Variants in SORCS1 observed in about 807,000 individuals in gnomAD.
SORCS1 encodes the protein VPS10 domain-containing receptor SorCS1.
SORCS1 carries 60 observed loss-of-function variants against 146.1 expected under a neutral mutation model. The observed-to-expected ratio is 0.41, with a 90% CI of 0.33 to 0.51. The LOEUF is 0.51. SORCS1 is among the 20% of genes least tolerant of loss of function. SORCS1 has a pLI of 0.21. For synonymous variants in SORCS1, 637 were observed against 584.0 expected (o/e 1.09, Z -1.31); for missense variants, 1,352 against 1,487.6 (o/e 0.91, Z 1.50).
chr10:106,858,697 T>C (rs1949887854), intron 2 of SORCS1, among the ~76,000 whole-genome samples: 1 of 152,060 alleles, frequency 6.6e-6, no homozygotes, highest in African/African-American at 2.4e-5. Flanking sequence ...TAGGTTACCC[T>C]TACCACTGAC....
At chr10:106,592,527 C>T (rs369091138) in intron 24 of SORCS1, among the ~76,000 whole-genome samples, 2 of 152,200 alleles carry the variant, frequency 1.3e-5, no homozygotes, top group Non-Finnish European at 1.5e-5. Context: ...CAACAACATA[C>T]TCTGGCTCAA....
intron 4 of SORCS1, among the ~76,000 whole-genome samples, chr10:106,769,541 A>AT (rs1318223615): frequency 6.6e-6 from 1 of 151,850 alleles, no homozygotes; most frequent in African/African-American, 2.4e-5. Flanking sequence ...TAAAGAGAAG[A>AT]TTTTTTGTTT....
chr10:106,781,255 A>C (rs956396962), intron 3 of SORCS1, among the ~76,000 whole-genome samples: 4 of 152,212 alleles, frequency 2.6e-5, no homozygotes, highest in African/African-American at 9.6e-5. Flanking sequence ...TGGAGTTAAT[A>C]AAAAGTTCTT....
At chr10:106,894,206 A>G (rs1409930214) in intron 2 of SORCS1, among the ~76,000 whole-genome samples, 1 of 151,958 alleles carries the variant, frequency 6.6e-6, no homozygotes, top group East Asian at 1.9e-4. Flanking sequence ...AAAATCCGTC[A>G]GCATGTAGGA....
At chr10:106,894,583 G>C (rs964226633) in intron 2 of SORCS1, among the ~76,000 whole-genome samples, 2 of 152,114 alleles carry the variant, frequency 1.3e-5, no homozygotes, top group Non-Finnish European at 2.9e-5. Context: ...TAAGTGCTGT[G>C]TGGAATAAAC....
At chr10:106,737,789 A>T (rs2136078768) in intron 5 of SORCS1, among the ~76,000 whole-genome samples, 1 of 152,310 alleles carries the variant, frequency 6.6e-6, no homozygotes, top group South Asian at 2.1e-4. Context: ...ATCCCCAAAC[A>T]AAAATCACAG....
intron 1 of SORCS1, among the ~76,000 whole-genome samples, chr10:107,135,129 G>C (rs1354965451): frequency 6.6e-6 from 1 of 152,120 alleles, no homozygotes; most frequent in Non-Finnish European, 1.5e-5. Flanking sequence ...CAAATACATG[G>C]GTAATTATTC....
intron 2 of SORCS1, among the ~76,000 whole-genome samples, chr10:106,851,384 T>G (rs1157044363): frequency 2.0e-5 from 3 of 152,260 alleles, no homozygotes; most frequent in African/African-American, 7.2e-5. Context: ...CTGTAAGGTC[T>G]GTGTTCAAAC....
intron 1 of SORCS1, among the ~76,000 whole-genome samples, chr10:107,101,792 G>A (rs1159991544): frequency 6.6e-6 from 1 of 151,550 alleles, no homozygotes; most frequent in Non-Finnish European, 1.5e-5. Context: ...TCTGTTTGGG[G>A]AGAGTTGACT....
intron 1 of SORCS1, among the ~76,000 whole-genome samples, chr10:107,147,364 G>C (rs940307096): frequency 6.6e-6 from 1 of 152,178 alleles, no homozygotes; most frequent in Non-Finnish European, 1.5e-5. Flanking sequence ...TGCTAGCCCT[G>C]ACTAGACAGC....
chr10:106,916,524 ATAAT>A (rs1236365731), intron 2 of SORCS1, among the ~76,000 whole-genome samples: 1 of 148,144 alleles, frequency 6.8e-6, no homozygotes, highest in Admixed American at 6.8e-5. Context: ...TGTATTATAT[ATAAT>A]TATGTGTATC....
At chr10:106,788,827 C>T (rs1946181423) in intron 3 of SORCS1, among the ~76,000 whole-genome samples, 1 of 152,216 alleles carries the variant, frequency 6.6e-6, no homozygotes, top group Non-Finnish European at 1.5e-5. Context: ...CGGTGGCCCT[C>T]TTCTTACAGC....
chr10:106,607,454 A>G (rs745883885), intron 22 of SORCS1, among the ~76,000 whole-genome samples, 157 bp from the exon 23 acceptor site: 4 of 152,216 alleles, frequency 2.6e-5, no homozygotes, highest in Non-Finnish European at 5.9e-5. Context: ...TGTGAGAGAC[A>G]GCACTGGGCT....
intron 3 of SORCS1, among the ~76,000 whole-genome samples, chr10:106,825,538 C>T (rs1307249654): frequency 6.6e-6 from 1 of 151,918 alleles, no homozygotes; most frequent in Non-Finnish European, 1.5e-5. Context: ...TCCCATAGTG[C>T]TGGGATTACA....
chr10:106,825,652 G>A (rs929813692), intron 3 of SORCS1, among the ~76,000 whole-genome samples: 1 of 151,904 alleles, frequency 6.6e-6, no homozygotes, highest in Non-Finnish European at 1.5e-5. Flanking sequence ...TTCCGGTACA[G>A]GTTAAATCAT....
intron 1 of SORCS1, among the ~76,000 whole-genome samples, chr10:107,055,640 C>T (rs1019313451): frequency 5.9e-5 from 9 of 152,132 alleles, no homozygotes; most frequent in African/African-American, 2.2e-4. Context: ...TTTTTTCCTA[C>T]CAGACAGCAG....
intron 1 of SORCS1, among the ~76,000 whole-genome samples, chr10:106,965,046 C>G (rs992748183): frequency 1.3e-5 from 2 of 151,712 alleles, no homozygotes; most frequent in African/African-American, 4.8e-5. Context: ...CCAGAGTTTA[C>G]GCAGTTCCAG....
At chr10:107,158,289 C>G (rs533053571) in intron 1 of SORCS1, among the ~76,000 whole-genome samples, 12 of 152,122 alleles carry the variant, frequency 7.9e-5, no homozygotes, top group African/African-American at 2.9e-4. Context: ...TTTTGCTTAA[C>G]TCATATTTTT....
In SORCS1 at chr10:106,612,026, G is replaced by A. The variant is rs377652906; in HGVS notation, c.2921-3C>T. The A allele has an allele frequency of 7.2e-5, 116 of 1,610,724 alleles. No individual in the cohort carries two copies. Among genetic ancestry groups the A allele is most frequent in the Non-Finnish European group, 9.4e-5 (111 of 1,177,100 alleles). On this transcript the variant is annotated splice_region_variant and splice_polypyrimidine_tract_variant and intron_variant, in intron 21 of 25. Transcript: ENST00000263054. ...CAAGCGAAGAGACCGGAATTCCTCT[G>A]GGGATATAACAGTAGATGGAGTACT... is the stretch of plus-strand genomic sequence containing the variant.
Sources: allele counts gnomAD v4.1 joint callset (sites outside exome capture counted in the v4.1 genomes callset), GRCh38; gene constraint gnomAD v4.1.1; transcripts MANE v1.5; gene names NCBI Gene and HGNC (gene_info 2026-07-23, HGNC 2026-07-21).